Variants in STAG1 observed in about 807,000 individuals in gnomAD.
STAG1 encodes the protein cohesin subunit SA-1.
Under a neutral mutation model 170.9 loss-of-function variants are expected in STAG1, and 26 were observed. The ratio of observed to expected loss-of-function variants is 0.15; its 90% CI spans 0.11 to 0.21. STAG1 has a LOEUF of 0.21. Among genes scored for constraint, STAG1 ranks in the 10% least tolerant of loss-of-function variants. The probability of loss-of-function intolerance (pLI) is 1.00; values close to 1 mark genes in which losing one functional copy is unlikely to be tolerated. For synonymous variants in STAG1, 514 were observed against 497.7 expected (o/e 1.03, Z -0.44); for missense variants, 964 against 1,509.5 (o/e 0.64, Z 5.99).
At chr3:136,401,647 T>C (rs1189538164) in intron 21 of STAG1, among the ~76,000 whole-genome samples, 3 of 152,148 alleles carry the variant, frequency 2.0e-5, no homozygotes, top group Non-Finnish European at 2.9e-5. Context: ...AGATGGAGTA[T>C]TGCACTGTCT....
At chr3:136,367,260 TCATTTATCAAA>T (rs1250565652) in intron 24 of STAG1, among the ~76,000 whole-genome samples, 178 bp from the exon 25 acceptor site, 1 of 152,156 alleles carries the variant, frequency 6.6e-6, no homozygotes. Context: ...ATTTAGTTAC[TCATTTATCAAA>T]CATTTAATAG....
At chr3:136,518,956 T>G (rs759777191) in intron 7 of STAG1, among the ~76,000 whole-genome samples, 1 of 151,680 alleles carries the variant, frequency 6.6e-6, no homozygotes, top group Non-Finnish European at 1.5e-5. Flanking sequence ...ATAATGAAAA[T>G]ATATTTAAAC....
intron 9 of STAG1, among the ~76,000 whole-genome samples, chr3:136,489,380 T>C (rs894960503): frequency 7.2e-5 from 11 of 152,316 alleles, no homozygotes; most frequent in Admixed American, 5.9e-4. Flanking sequence ...GAATTTTAAT[T>C]AAATGTTTCT....
At chr3:136,488,188 T>A (rs1184753693) in intron 9 of STAG1, among the ~76,000 whole-genome samples, 1 of 152,246 alleles carries the variant, frequency 6.6e-6, no homozygotes, top group Non-Finnish European at 1.5e-5. Flanking sequence ...AGTGGCATGA[T>A]CTCGGCTCAC....
rs149815534 is a variant in STAG1 at position 136,610,861 on chromosome 3, C to G, written c.133-6388G>C. On this transcript the variant is annotated intron_variant, in intron 3 of 33. Coordinates refer to ENST00000383202, the MANE Select transcript of STAG1 (RefSeq NM_005862.3). ...TGGAGAATAGTTTACTTTAAAAATC[C>G]TGTGTATTGCCCATTCAACCCTTTC... is the stretch of plus-strand genomic sequence containing the variant. 1.6e-3 allele frequency among the ~76,000 whole-genome samples: 236 copies of G among 152,198 alleles called. 4 individuals carry two copies. The East Asian group carries it at 0.024, about 15-fold the overall frequency.
At chr3:136,366,909 G>A (rs1310941321) in intron 25 of STAG1, 34 bp downstream of exon 25, 1 of 1,521,408 alleles carries the variant, frequency 6.6e-7, no homozygotes, top group Non-Finnish European at 8.9e-7. Flanking sequence ...CTGCCAGTTA[G>A]AGGAAGGAGA....
intron 4 of STAG1, among the ~76,000 whole-genome samples, chr3:136,597,307 G>A (rs1301068948): frequency 6.6e-6 from 1 of 152,064 alleles, no homozygotes; most frequent in African/African-American, 2.4e-5. Context: ...AAAGAAAGAA[G>A]GGAAAAAGTG....
intron 1 of STAG1, among the ~76,000 whole-genome samples, chr3:136,637,692 T>TA (rs1384925468): frequency 6.6e-6 from 1 of 151,882 alleles, no homozygotes; most frequent in African/African-American, 2.4e-5. Context: ...CAAACTGGAA[T>TA]AAAAAAAGAA....
chr3:136,508,906 G>C (rs1008546134), intron 7 of STAG1, among the ~76,000 whole-genome samples: 1 of 152,184 alleles, frequency 6.6e-6, no homozygotes, highest in Non-Finnish European at 1.5e-5. Flanking sequence ...GAGAGAGAGA[G>C]AGACAGAGAC....
chr3:136,604,068 T>C (rs542825188), intron 4 of STAG1, among the ~76,000 whole-genome samples: 1 of 152,278 alleles, frequency 6.6e-6, no homozygotes, highest in South Asian at 2.1e-4. Flanking sequence ...AAAATTCTCT[T>C]GGGCAGCTTC....
intron 6 of STAG1, among the ~76,000 whole-genome samples, chr3:136,540,822 CAAAAAAAAAAAAAAAAAA>C (rs554338920): frequency 1.1e-4 from 5 of 46,276 alleles, no homozygotes; most frequent in Non-Finnish European, 2.2e-4. Flanking sequence ...ACTGTGTCTC[CAAAAAAAAAAAAAAAAAA>C]AAAAAAAAAA....
chr3:136,540,821 C>CAAAA (rs1425631397), intron 6 of STAG1, among the ~76,000 whole-genome samples: 16 of 11,192 alleles, frequency 1.4e-3, no homozygotes, highest in Non-Finnish European at 2.1e-3. Flanking sequence ...AACTGTGTCT[C>CAAAA]CAAAAAAAAA....
intron 14 of STAG1, among the ~76,000 whole-genome samples, chr3:136,443,683 A>T (rs1449438477): frequency 6.6e-6 from 1 of 152,116 alleles, no homozygotes; most frequent in Non-Finnish European, 1.5e-5. Context: ...CTAGTTAGAA[A>T]ATTTTCTGAA....
intron 21 of STAG1, among the ~76,000 whole-genome samples, chr3:136,413,389 G>T (rs567547150): frequency 6.7e-6 from 1 of 149,880 alleles, no homozygotes; most frequent in Non-Finnish European, 1.5e-5. Flanking sequence ...TCTATAATTT[G>T]ATTGTTTTTT....
At chr3:136,475,203 G>C (rs1312623599) in intron 10 of STAG1, among the ~76,000 whole-genome samples, 1 of 135,186 alleles carries the variant, frequency 7.4e-6, no homozygotes. Flanking sequence ...CTGGAGTACA[G>C]TGGTGTGATT....
At chr3:136,592,409 G>C (rs1938229453) in intron 4 of STAG1, among the ~76,000 whole-genome samples, 2 of 152,112 alleles carry the variant, frequency 1.3e-5, no homozygotes, top group Admixed American at 1.3e-4. Flanking sequence ...CCTATAAAGA[G>C]GTACCTTCCA....
chr3:136,648,307 C>T (rs539268601), intron 1 of STAG1, among the ~76,000 whole-genome samples: 4 of 152,176 alleles, frequency 2.6e-5, no homozygotes, highest in Non-Finnish European at 4.4e-5. Flanking sequence ...CAAACACTCC[C>T]CAATCCTTGC....
chr3:136,581,658 C>T (rs919716470), intron 4 of STAG1, among the ~76,000 whole-genome samples: 1 of 151,998 alleles, frequency 6.6e-6, no homozygotes. Flanking sequence ...GACCCAGCAG[C>T]CCTAGTTAAA....
intron 2 of STAG1, among the ~76,000 whole-genome samples, chr3:136,624,701 A>C (rs1353903196): frequency 6.6e-6 from 1 of 152,204 alleles, no homozygotes; most frequent in African/African-American, 2.4e-5. Context: ...TTAAGTCTAT[A>C]ATCAACAAAA....
Sources: allele counts gnomAD v4.1 joint callset (sites outside exome capture counted in the v4.1 genomes callset), GRCh38; gene constraint gnomAD v4.1.1; transcripts MANE v1.5; gene names NCBI Gene and HGNC (gene_info 2026-07-23, HGNC 2026-07-21).